Variants in PCSK2 observed in about 807,000 individuals in gnomAD.
PCSK2 encodes the protein proprotein convertase subtilisin/kexin type 2.
PCSK2 carries 14 observed loss-of-function variants against 69.7 expected under a neutral mutation model. That is an observed-to-expected ratio of 0.20 (90% CI 0.13 to 0.31). PCSK2 has a LOEUF of 0.31. Among genes scored for constraint, PCSK2 ranks in the 10% least tolerant of loss-of-function variants. The pLI is 1.00. For missense variants in PCSK2, 544 were observed against 842.5 expected, an observed-to-expected ratio of 0.65 and a Z score of 4.39; for synonymous variants, 307 against 320.7, an observed-to-expected ratio of 0.96 and a Z score of 0.46.
chr20:17,472,052 C>T (rs754684857), intron 11 of PCSK2, among the ~76,000 whole-genome samples: 4 of 152,184 alleles, frequency 2.6e-5, no homozygotes, highest in African/African-American at 4.8e-5. Context: ...TGCTCAGCTA[C>T]AATCAAAGGG....
At chr20:17,265,020 C>T (rs189351972) in intron 2 of PCSK2, among the ~76,000 whole-genome samples, 9 of 152,286 alleles carry the variant, frequency 5.9e-5, no homozygotes, top group African/African-American at 1.9e-4. Context: ...CGTGACACCA[C>T]ACCTGGCTAA....
In PCSK2 at chr20:17,392,056, T is replaced by C. The variant is rs185669269; in HGVS notation, c.544-17207T>C. Among the ~76,000 whole-genome samples, 8 of 152,286 alleles carry C rather than the reference T, an allele frequency of 5.3e-5. No individual in the cohort carries two copies. The East Asian group carries it at 1.3e-3, about 26-fold the overall frequency. On this transcript the variant is annotated intron_variant, in intron 5 of 11. Transcript: ENST00000262545. ...GTCAAGGAGTCCCAAATATCCCCTG[T>C]CTCATGTAGCTCATCCTTCAGGAAA...
At chr20:17,360,752 C>G (rs1169128499) in intron 4 of PCSK2, 112 bp downstream of exon 4, 1 of 679,354 alleles carries the variant, frequency 1.5e-6, no homozygotes, top group African/African-American at 1.8e-5. Context: ...CAGCAAGATA[C>G]TGGGCATGAT....
chr20:17,389,923 CAA>C (rs1263295369), intron 5 of PCSK2, among the ~76,000 whole-genome samples: 2 of 152,016 alleles, frequency 1.3e-5, no homozygotes, highest in Admixed American at 6.6e-5. Context: ...AGTATGTACT[CAA>C]GAGAAACAAA....
At chr20:17,328,529 C>A (rs1990126448) in intron 2 of PCSK2, among the ~76,000 whole-genome samples, 5 of 151,354 alleles carry the variant, frequency 3.3e-5, no homozygotes, top group African/African-American at 2.4e-5. Flanking sequence ...TATTTATTAG[C>A]AGTGGGGATA....
chr20:17,258,179 C>CTG lies in PCSK2; in HGVS notation c.178-2058_178-2057dup, dbSNP rs548061620. Among the ~76,000 whole-genome samples, 36 of 152,284 alleles carry CTG rather than the reference C, an allele frequency of 2.4e-4. 1 individual carries two copies. In the South Asian group the frequency reaches 3.1e-3, roughly 13 times the overall value. On this transcript the variant is annotated intron_variant, in intron 1 of 11. Coordinates refer to ENST00000262545, the MANE Select transcript of PCSK2 (RefSeq NM_002594.5). ...ATTTGGCTACTGGTTTTCACAGCTGCTGTGATTGTGAGGTTGTTCATGTTC... is the reference window on the plus strand; with the variant it reads ...ATTTGGCTACTGGTTTTCACAGCTGCTGTGTGATTGTGAGGTTGTTCATGTTC...
intron 4 of PCSK2, among the ~76,000 whole-genome samples, chr20:17,363,608 G>A (rs571144305): frequency 6.6e-6 from 1 of 152,168 alleles, no homozygotes; most frequent in Non-Finnish European, 1.5e-5. Context: ...AGGGCAGATG[G>A]CTGGTTCTCA....
intron 2 of PCSK2, among the ~76,000 whole-genome samples, chr20:17,301,790 G>A (rs558385489): frequency 2.2e-4 from 34 of 152,138 alleles, no homozygotes; most frequent in African/African-American, 7.2e-4. Context: ...AATTAACCAG[G>A]CGTGGTGGTG....
At chr20:17,399,842 G>C (rs965420608) in intron 5 of PCSK2, among the ~76,000 whole-genome samples, 1 of 152,208 alleles carries the variant, frequency 6.6e-6, no homozygotes, top group Non-Finnish European at 1.5e-5. Flanking sequence ...GAGGAATTCA[G>C]TCGTCAGTGT....
At chr20:17,407,216 C>A (rs1186043157) in intron 5 of PCSK2, among the ~76,000 whole-genome samples, 1 of 152,166 alleles carries the variant, frequency 6.6e-6, no homozygotes. Flanking sequence ...TCCCAGGCCT[C>A]TCTGAGGTTG....
At chr20:17,399,557 TAAG>T (rs1002753868) in intron 5 of PCSK2, among the ~76,000 whole-genome samples, 14 of 152,172 alleles carry the variant, frequency 9.2e-5, no homozygotes, top group Admixed American at 5.9e-4. Flanking sequence ...CTCTGTCAGA[TAAG>T]AAGAAGGATT....
At chr20:17,313,027 C>T (rs1377438629) in intron 2 of PCSK2, among the ~76,000 whole-genome samples, 1 of 152,118 alleles carries the variant, frequency 6.6e-6, no homozygotes, top group Admixed American at 6.5e-5. Context: ...ATAAAGGAAG[C>T]CACATAGGTG....
intron 2 of PCSK2, among the ~76,000 whole-genome samples, chr20:17,261,288 T>A (rs1452988888): frequency 1.3e-5 from 2 of 152,226 alleles, no homozygotes; most frequent in Non-Finnish European, 2.9e-5. Flanking sequence ...GCGTGTCAGA[T>A]GTTTGAGTTA....
intron 1 of PCSK2, among the ~76,000 whole-genome samples, chr20:17,229,681 C>A (rs1317688183): frequency 6.6e-6 from 1 of 151,998 alleles, no homozygotes; most frequent in African/African-American, 2.4e-5. Context: ...ACCCCACAAC[C>A]AAATCCAGTG....
intron 2 of PCSK2, among the ~76,000 whole-genome samples, chr20:17,292,506 A>G (rs75395603): frequency 2.6e-5 from 4 of 152,348 alleles, no homozygotes; most frequent in African/African-American, 7.2e-5. Context: ...AATTGACTCA[A>G]TATCACTTAC....
rs184795174 is a variant in PCSK2 at position 17,419,321 on chromosome 20, C to T, written c.620+9982C>T. Reference sequence around the variant, plus strand: ...CAAGCGTATTTATTCTACTGTGAACCATTTAATAATTACATGCAGTATCTG... The same window carrying T: ...CAAGCGTATTTATTCTACTGTGAACTATTTAATAATTACATGCAGTATCTG... On this transcript the variant is annotated intron_variant, in intron 6 of 11. Coordinates refer to ENST00000262545, the MANE Select transcript of PCSK2 (RefSeq NM_002594.5). Among the ~76,000 whole-genome samples the T allele has an allele frequency of 9.8e-5, 15 of 152,286 alleles. No homozygotes were observed. The East Asian group carries it at 1.5e-3, about 16-fold the overall frequency.
chr20:17,455,667 T>C (rs796190962), intron 9 of PCSK2, among the ~76,000 whole-genome samples: 8 of 152,348 alleles, frequency 5.3e-5, no homozygotes, highest in African/African-American at 1.9e-4. Context: ...CCAGTCCCAA[T>C]GCAACAAAAC....
chr20:17,440,201 A>G (rs1225863519), intron 8 of PCSK2, among the ~76,000 whole-genome samples: 1 of 152,138 alleles, frequency 6.6e-6, no homozygotes, highest in Non-Finnish European at 1.5e-5. Flanking sequence ...TGCTTCTCAA[A>G]GTGTGGCCAC....
rs773281642 is a variant in PCSK2, at chr20:17,456,339, C to T, written c.1102-9C>T. On this transcript the variant is annotated splice_polypyrimidine_tract_variant and intron_variant, in intron 9 of 11. Coordinates refer to ENST00000262545, the MANE Select transcript of PCSK2 (RefSeq NM_002594.5). Reference sequence around the variant, plus strand: ...TTATCCACTCATTACTCATTATCTTCCCTTCCAGGCAACCACAGATTTGTA... The same window carrying T: ...TTATCCACTCATTACTCATTATCTTTCCTTCCAGGCAACCACAGATTTGTA... 1.7e-5 allele frequency: 26 copies of T among 1,555,796 alleles called. No individual in the cohort carries two copies. Among genetic ancestry groups the T allele is most frequent in the Non-Finnish European group, 2.1e-5 (24 of 1,127,128 alleles).
Sources: gnomAD v4.1 joint callset for allele counts (sites outside exome capture counted in the v4.1 genomes callset) on GRCh38, gnomAD v4.1.1 for gene constraint, MANE v1.5 for transcripts, NCBI Gene and HGNC (gene_info 2026-07-23, HGNC 2026-07-21) for gene names.